SORCS1: variants seen among roughly 807,000 people sequenced by gnomAD.
The protein encoded by SORCS1 is VPS10 domain-containing receptor SorCS1.
In SORCS1, 60 loss-of-function variants were observed where a neutral mutation model predicts 146.1. That is an observed-to-expected ratio of 0.41 (90% CI 0.33 to 0.51). The LOEUF (loss-of-function observed/expected upper bound fraction) is 0.51, where lower values mean the gene tolerates loss of function less well. Among genes scored for constraint, SORCS1 ranks in the 20% least tolerant of loss-of-function variants. SORCS1 has a pLI of 0.21. For missense variants in SORCS1, 1,352 were observed against 1,487.6 expected (o/e 0.91, Z 1.50); for synonymous variants, 637 against 584.0 (o/e 1.09, Z -1.31).
intron 1 of SORCS1, among the ~76,000 whole-genome samples, chr10:106,979,817 G>T (rs1345979917): frequency 1.3e-5 from 2 of 152,150 alleles, no homozygotes; most frequent in African/African-American, 2.4e-5. Flanking sequence ...CCCTCACTCT[G>T]CCACTGTGGG....
intron 1 of SORCS1, among the ~76,000 whole-genome samples, chr10:107,066,635 A>T (rs1961884810): frequency 6.6e-6 from 1 of 152,196 alleles, no homozygotes; most frequent in African/African-American, 2.4e-5. Context: ...TCATCTTAAG[A>T]TTCAAATGTA....
chr10:107,093,756 G>C (rs931459383), intron 1 of SORCS1, among the ~76,000 whole-genome samples: 1 of 151,572 alleles, frequency 6.6e-6, no homozygotes, highest in African/African-American at 2.4e-5. Context: ...CATTCCCTAT[G>C]GTGGATGGAG....
intron 2 of SORCS1, among the ~76,000 whole-genome samples, chr10:106,940,707 A>C (rs1953996646): frequency 6.6e-6 from 1 of 152,176 alleles, no homozygotes; most frequent in South Asian, 2.1e-4. Flanking sequence ...AACATGGTGA[A>C]ACCCTATCTC....
intron 5 of SORCS1, among the ~76,000 whole-genome samples, chr10:106,750,150 G>C (rs891173823): frequency 1.1e-4 from 17 of 152,132 alleles, no homozygotes; most frequent in Non-Finnish European, 2.4e-4. Context: ...AAATTAAGAA[G>C]ACACAATTAT....
At chr10:106,868,183 G>A (rs1169766406) in intron 2 of SORCS1, among the ~76,000 whole-genome samples, 2 of 152,080 alleles carry the variant, frequency 1.3e-5, no homozygotes, top group African/African-American at 4.8e-5. Flanking sequence ...CAACACAGGA[G>A]TACCCAGATT....
At chr10:106,779,545 A>ATTTTT (rs1491495992) in intron 3 of SORCS1, among the ~76,000 whole-genome samples, 2 of 116,730 alleles carry the variant, frequency 1.7e-5, no homozygotes, top group Non-Finnish European at 3.7e-5. Flanking sequence ...ATTATGGCCC[A>ATTTTT]TATTTTTTTT....
At chr10:106,598,693 T>A (rs1413256897) in intron 23 of SORCS1, among the ~76,000 whole-genome samples, 2 of 151,918 alleles carry the variant, frequency 1.3e-5, no homozygotes, top group African/African-American at 4.8e-5. Flanking sequence ...AAATTCTTAA[T>A]TTTTTTTTCC....
chr10:106,608,033 T>G (rs954686859), intron 22 of SORCS1, among the ~76,000 whole-genome samples: 1 of 152,208 alleles, frequency 6.6e-6, no homozygotes, highest in African/African-American at 2.4e-5. Flanking sequence ...TTCTCTCTCT[T>G]GAGCTTATAC....
rs372312253 is a variant in SORCS1 at position 106,781,142 on chromosome 10, G to A, written c.727-4450C>T. On this transcript the variant is annotated intron_variant, in intron 3 of 25. Transcript: ENST00000263054. ...CTGATCCTTCCAGTTGTCGTCTCCT[G>A]CGGGCCTTCTTCCCAGAGGAATGCT... Among the ~76,000 whole-genome samples, 13 of 152,062 alleles carry A rather than the reference G, an allele frequency of 8.5e-5. No homozygotes were observed. The East Asian group carries it at 1.5e-3, about 18-fold the overall frequency.
intron 3 of SORCS1, among the ~76,000 whole-genome samples, chr10:106,823,897 G>T (rs956143326): frequency 2.0e-5 from 3 of 152,202 alleles, no homozygotes; most frequent in African/African-American, 7.2e-5. Context: ...TTAAAGAAAA[G>T]AGTAGAATTT....
intron 3 of SORCS1, among the ~76,000 whole-genome samples, chr10:106,817,178 T>C (rs1184883954): frequency 2.6e-5 from 4 of 152,206 alleles, no homozygotes. Flanking sequence ...AACCTCTCTT[T>C]CCCCAGCACA....
At position 107,060,838 on chromosome 10, in the gene SORCS1, T is replaced by C. The variant is rs1201890390; in HGVS notation, c.558+103131A>G. Among the ~76,000 whole-genome samples the C allele has an allele frequency of 6.6e-6, 1 of 152,210 alleles. No homozygotes were observed. Among genetic ancestry groups the C allele is most frequent in the East Asian group, 1.9e-4 (1 of 5,200 alleles). The stretch of plus-strand genomic sequence containing the variant: ...ATTTTTAAGGAGCTTTAAAAAATCA[T>C]ATTTTAGTTAATTTTATTGAATCAC... On this transcript the variant is annotated intron_variant, in intron 1 of 25. Transcript: ENST00000263054. The surrounding 1 kb of genome is among the most constrained non-coding windows in gnomAD (Gnocchi z 4.1).
At chr10:106,681,017 A>T (rs1358699440) in intron 10 of SORCS1, among the ~76,000 whole-genome samples, 1 of 152,208 alleles carries the variant, frequency 6.6e-6, no homozygotes, top group Non-Finnish European at 1.5e-5. Context: ...AATAGTAACA[A>T]ATGATTGGTT....
chr10:107,097,300 T>C (rs1760624062), intron 1 of SORCS1, among the ~76,000 whole-genome samples: 1 of 152,224 alleles, frequency 6.6e-6, no homozygotes, highest in Non-Finnish European at 1.5e-5. Flanking sequence ...TCTGATTTCT[T>C]TGTTGCATGC....
chr10:106,757,487 T>C (rs1019907909), intron 5 of SORCS1, among the ~76,000 whole-genome samples: 3 of 152,216 alleles, frequency 2.0e-5, no homozygotes, highest in African/African-American at 4.8e-5. Context: ...CTAATAAATA[T>C]TGCTTTGATT....
At chr10:107,058,937 A>G (rs988410004) in intron 1 of SORCS1, among the ~76,000 whole-genome samples, 17 of 152,296 alleles carry the variant, frequency 1.1e-4, no homozygotes, top group African/African-American at 3.8e-4. Context: ...AACTTTTTCG[A>G]GAAAACTAGG....
chr10:106,996,917 A>C lies in SORCS1; in HGVS notation c.559-40337T>G, dbSNP rs74154807. Among the ~76,000 whole-genome samples, 344 of 152,310 alleles carry C rather than the reference A, an allele frequency of 2.3e-3. 3 individuals carry two copies. The highest frequency in any genetic ancestry group is 7.9e-3 in the African/African-American group (330 of 41,564). ...TCTAAAAATGAAAGGAAATATGTCT[A>C]AAATCACAAGAGAAACATATGGGAC... is the stretch of plus-strand genomic sequence containing the variant. On this transcript the variant is annotated intron_variant, in intron 1 of 25. Coordinates refer to ENST00000263054, the MANE Select transcript of SORCS1 (RefSeq NM_052918.5).
chr10:106,709,377 G>A, intron 6 of SORCS1, 36 bp from the exon 7 acceptor site: 3 of 1,344,960 alleles, frequency 2.2e-6, no homozygotes, highest in Non-Finnish European at 3.2e-6. Context: ...ACATGGGGTT[G>A]AGGGGGATAT....
intron 2 of SORCS1, among the ~76,000 whole-genome samples, chr10:106,884,679 T>C (rs116879038): frequency 1.5e-3 from 221 of 152,302 alleles, no homozygotes; most frequent in Non-Finnish European, 2.4e-3. Context: ...GTGAACACTT[T>C]CAATGCTGAA....
Sources: gnomAD v4.1 joint callset for allele counts (sites outside exome capture counted in the v4.1 genomes callset) on GRCh38, gnomAD v4.1.1 for gene constraint, Gnocchi (gnomAD v3.1) non-coding constraint, MANE v1.5 for transcripts, NCBI Gene and HGNC (gene_info 2026-07-23, HGNC 2026-07-21) for gene names.